The following XRN1 variants were observed in gnomAD, a reference collection of about 807,000 sequenced individuals.
The protein encoded by XRN1 is 5'-3' exoribonuclease 1.
In XRN1, 67 loss-of-function variants were observed where a neutral mutation model predicts 222.3. The ratio of observed to expected loss-of-function variants is 0.30; its 90% CI spans 0.25 to 0.37. The LOEUF (loss-of-function observed/expected upper bound fraction) is 0.37. Ranked by LOEUF, XRN1 falls within the 10% of genes least tolerant of loss-of-function variation. XRN1 has a pLI of 1.00. For missense variants in XRN1, 1,707 were observed against 2,000.2 expected (o/e 0.85, Z 2.80); for synonymous variants, 643 against 652.4 (o/e 0.99, Z 0.22).
In XRN1 at chr3:142,347,230, T is replaced by C; in HGVS notation, c.3877+4A>G. The C allele has an allele frequency of 6.3e-7, 1 of 1,586,364 alleles. No individual in the cohort carries two copies. The highest frequency in any genetic ancestry group is 8.6e-7 in the Non-Finnish European group (1 of 1,160,738). On this transcript the variant is annotated splice_donor_region_variant and intron_variant, in intron 33 of 40. Coordinates refer to ENST00000392981, the MANE Select transcript of XRN1 (RefSeq NM_001282857.2). ...CAAGTACACCTTTCTAATTTAAAAC[T>C]TACATTTTCTGTGAGGGTCATGTTT...
At position 142,359,927 on chromosome 3, in the gene XRN1, A is replaced by G. The variant is rs759430186; in HGVS notation, c.3399T>C (p.Asn1133=). 6 of 1,595,742 alleles carry G rather than the reference A, an allele frequency of 3.8e-6. No individual in the cohort carries two copies. The highest frequency in any genetic ancestry group is 5.1e-6 in the Non-Finnish European group (6 of 1,170,892). The part of the protein sequence containing the change: ...RGTIIGIKGA[N]READVLFEVL... ...CTTCAAATAGTACATCGGCTTCTCT[A>G]TTAGCTGTTACAATAGGGAGAGAAA... Residue 1133 remains asparagine (N), a synonymous_variant, in exon 30 of 41, where the codon AAT becomes AAC. Coordinates refer to ENST00000392981, the MANE Select transcript of XRN1 (RefSeq NM_001282857.2).
At chr3:142,405,784 G>C (rs1270583246) in intron 15 of XRN1, among the ~76,000 whole-genome samples, 1 of 151,920 alleles carries the variant, frequency 6.6e-6, no homozygotes, top group Admixed American at 6.6e-5. Flanking sequence ...TGAAAAAAAA[G>C]CACATACACT....
intron 37 of XRN1, among the ~76,000 whole-genome samples, chr3:142,320,266 C>G (rs979992749): frequency 1.3e-5 from 2 of 152,038 alleles, no homozygotes; most frequent in African/African-American, 4.8e-5. Flanking sequence ...ATAGCCATTC[C>G]GCCTGGTATG....
chr3:142,349,435 G>A (rs1290196708), intron 32 of XRN1, among the ~76,000 whole-genome samples: 1 of 151,938 alleles, frequency 6.6e-6, no homozygotes, highest in Non-Finnish European at 1.5e-5. Context: ...TATGGTAAAT[G>A]AACTGTGTAC....
Position 142,324,143 on chromosome 3 carries a change from C to T in XRN1, c.4405-5240G>A, listed in dbSNP as rs193060154. Among the ~76,000 whole-genome samples, 7 of 151,014 alleles carry T rather than the reference C, an allele frequency of 4.6e-5. No homozygotes were observed. The South Asian group carries it at 8.4e-4, about 18-fold the overall frequency. The stretch of plus-strand genomic sequence containing the variant: ...TAAGTTTTAGGGTACATGTGCACAA[C>T]GTGCAGGTTTGTTACATATATATAC... On this transcript the variant is annotated intron_variant, in intron 37 of 40. Coordinates refer to ENST00000392981, the MANE Select transcript of XRN1 (RefSeq NM_001282857.2).
chr3:142,338,533 TG>T, intron 33 of XRN1, among the ~76,000 whole-genome samples: 1 of 152,276 alleles, frequency 6.6e-6, no homozygotes, highest in African/African-American at 2.4e-5. Context: ...CATGCCCAGC[TG>T]TGGTGATTAT....
chr3:142,378,111 T>A (rs1450201692), intron 23 of XRN1, among the ~76,000 whole-genome samples: 2 of 152,236 alleles, frequency 1.3e-5, no homozygotes, highest in Non-Finnish European at 2.9e-5. Context: ...TGATTGTGAA[T>A]TAATTTTAGC....
rs1486341285 is a variant in XRN1, at chr3:142,309,819, C to T, written c.*1692G>A. 6.6e-6 allele frequency: 1 copy of T among 152,174 alleles called. No individual in the cohort carries two copies. The highest frequency in any genetic ancestry group is 1.5e-5 in the Non-Finnish European group (1 of 68,036). The allele number at this position is 152,174 out of a possible 1,614,324, so 9.4% of individuals were successfully genotyped here. ...AGAGGTTAATATAACATTACTGTCA[C>T]AATTTAACTTTTCTTTGTATTACCA... On this transcript the variant is annotated 3_prime_UTR_variant, in exon 41 of 41. Transcript: ENST00000392981.
chr3:142,332,813 T>C, intron 35 of XRN1, 154 bp downstream of exon 35: 8 of 1,165,998 alleles, frequency 6.9e-6, no homozygotes, highest in Non-Finnish European at 9.4e-6. Flanking sequence ...ATGGCTAAAT[T>C]GCCCAGGGCA....
chr3:142,414,318 A>T (rs2068702444), intron 13 of XRN1, 27 bp from the exon 14 acceptor site: 2 of 1,506,458 alleles, frequency 1.3e-6, no homozygotes, highest in Admixed American at 2.1e-5. Context: ...AGTTTTAAAC[A>T]AGTGGCATCT....
chr3:142,441,025 C>A (rs2070184951), intron 1 of XRN1, among the ~76,000 whole-genome samples: 1 of 152,178 alleles, frequency 6.6e-6, no homozygotes, highest in African/African-American at 2.4e-5. Context: ...AAACCTTGTG[C>A]CACCAAGCCA....
At position 142,380,149 on chromosome 3, in the gene XRN1, C is replaced by A; in HGVS notation, c.2648G>T (p.Gly883Val). 6.2e-7 allele frequency: 1 copy of A among 1,613,886 alleles called. No individual in the cohort carries two copies. The highest frequency in any genetic ancestry group is 8.5e-7 in the Non-Finnish European group (1 of 1,179,904). Residue 883 changes from glycine (G) to valine (V), a missense_variant, in exon 23 of 41, where the codon GGT (glycine) becomes GTT (valine). By Grantham distance (109) the Gly-to-Val change is moderately radical. This residue lies in a region of XRN1 where 1,234 missense variants were observed against 1,518.2 expected (regional missense o/e 0.81). Coordinates refer to ENST00000392981, the MANE Select transcript of XRN1 (RefSeq NM_001282857.2). ...VQDSGDVITE[G>V]RIRVIFSIPC... ...AATGCTGAAAATCACACGAATCCTA[C>A]CTTCTGTAATCACATCACCTGAATC...
At chr3:142,334,688 A>T (rs927124835) in intron 34 of XRN1, among the ~76,000 whole-genome samples, 3 of 58,438 alleles carry the variant, frequency 5.1e-5, no homozygotes, top group Admixed American at 1.7e-4. Context: ...TATATATATA[A>T]GACCATATAT....
intron 27 of XRN1, 57 bp downstream of exon 27, chr3:142,370,428 G>C: frequency 6.5e-7 from 1 of 1,541,016 alleles, no homozygotes; most frequent in Non-Finnish European, 8.7e-7. Flanking sequence ...TATTTGTAAA[G>C]TATAGTCCAT....
chr3:142,399,379 T>G (rs1051937732), intron 19 of XRN1, among the ~76,000 whole-genome samples: 5 of 152,062 alleles, frequency 3.3e-5, no homozygotes, highest in Admixed American at 3.3e-4. Flanking sequence ...CTGAAGCAAC[T>G]GAATATTCAT....
chr3:142,330,816 T>C (rs1040676500), intron 36 of XRN1, among the ~76,000 whole-genome samples: 3 of 152,080 alleles, frequency 2.0e-5, no homozygotes, highest in African/African-American at 7.2e-5. Flanking sequence ...CCAGGTTTTG[T>C]TTTTGTTTTG....
At chr3:142,363,116 C>T (rs376111581) in intron 29 of XRN1, among the ~76,000 whole-genome samples, 13 of 152,106 alleles carry the variant, frequency 8.5e-5, no homozygotes, top group African/African-American at 2.4e-4. Context: ...TTTAAGATAT[C>T]GTTACCGAAT....
At chr3:142,363,497 T>C (rs1280739438) in intron 29 of XRN1, among the ~76,000 whole-genome samples, 1 of 152,190 alleles carries the variant, frequency 6.6e-6, no homozygotes, top group Non-Finnish European at 1.5e-5. Flanking sequence ...TTATATTCCA[T>C]TGATCTATAT....
intron 37 of XRN1, among the ~76,000 whole-genome samples, chr3:142,323,795 C>T (rs2065431637): frequency 1.3e-5 from 2 of 151,124 alleles, no homozygotes; most frequent in African/African-American, 4.9e-5. Context: ...GACACCCCAT[C>T]TCTTTAAAAA....
Sources: allele counts gnomAD v4.1 joint callset (sites outside exome capture counted in the v4.1 genomes callset), GRCh38; gene constraint gnomAD v4.1.1; regional missense constraint gnomAD v4.1.1; transcripts MANE v1.5; gene names NCBI Gene and HGNC (gene_info 2026-07-23, HGNC 2026-07-21).